The following AGBL1 variants were observed in gnomAD, a reference collection of about 807,000 sequenced individuals.
The protein encoded by AGBL1 is AGBL carboxypeptidase 1, also known as cytosolic carboxypeptidase 4.
AGBL1 carries 130 observed loss-of-function variants against 118.9 expected under a neutral mutation model. That is an observed-to-expected ratio of 1.09 (90% CI 0.95 to 1.26). AGBL1 has a LOEUF of 1.26. Ranked by LOEUF, AGBL1 falls within the 50% of genes most tolerant of loss-of-function variation. AGBL1 has a pLI of 0.00. For missense variants in AGBL1, 1,584 were observed against 1,298.1 expected, an observed-to-expected ratio of 1.22 and a Z score of -3.38; for synonymous variants, 555 against 478.9, an observed-to-expected ratio of 1.16 and a Z score of -2.08.
chr15:86,965,633 GA>G (rs2081043203), intron 23 of AGBL1, among the ~76,000 whole-genome samples: 1 of 152,048 alleles, frequency 6.6e-6, no homozygotes, highest in South Asian at 2.1e-4. Flanking sequence ...ACTGGATAAA[GA>G]AAATGTGGCA....
intron 15 of AGBL1, among the ~76,000 whole-genome samples, chr15:86,278,475 T>TA (rs5814233): frequency 0.54 from 77,035 of 143,114 alleles, 20,642 homozygotes; most frequent in African/African-American, 0.71. Context: ...CCATGAGAAA[T>TA]AAAAAAACAG....
At chr15:86,207,796 C>T (rs1172337976) in intron 5 of AGBL1, among the ~76,000 whole-genome samples, 1 of 152,116 alleles carries the variant, frequency 6.6e-6, no homozygotes, top group Non-Finnish European at 1.5e-5. Flanking sequence ...TAATTGAATA[C>T]CCTTTATTTC....
At chr15:87,025,404 C>CA (rs1385088466) in intron 24 of AGBL1, among the ~76,000 whole-genome samples, 3 of 149,852 alleles carry the variant, frequency 2.0e-5, no homozygotes, top group African/African-American at 4.9e-5. Context: ...AAAACAAAAA[C>CA]AAAAAACATG....
intron 18 of AGBL1, among the ~76,000 whole-genome samples, chr15:86,516,237 A>C (rs2083119241): frequency 6.6e-6 from 1 of 152,182 alleles, no homozygotes; most frequent in Non-Finnish European, 1.5e-5. Flanking sequence ...GTCCACAAGG[A>C]ATCTCCTTGT....
intron 17 of AGBL1, among the ~76,000 whole-genome samples, chr15:86,364,929 G>T (rs944652085): frequency 7.3e-6 from 1 of 137,898 alleles, no homozygotes; most frequent in Admixed American, 7.6e-5. Flanking sequence ...TAGACAGCCT[G>T]CAGGAGCCGC....
chr15:86,194,362 C>CTAGA (rs1377369615), intron 5 of AGBL1, among the ~76,000 whole-genome samples: 4 of 152,206 alleles, frequency 2.6e-5, no homozygotes, highest in African/African-American at 9.6e-5. Flanking sequence ...ATGCCTGCTA[C>CTAGA]TAGAGTACAG....
chr15:86,619,624 C>G (rs1287702222), intron 21 of AGBL1, among the ~76,000 whole-genome samples: 3 of 152,202 alleles, frequency 2.0e-5, no homozygotes, highest in Non-Finnish European at 4.4e-5. Flanking sequence ...TGGGGGTGAA[C>G]AGAAGCAAAA....
intron 18 of AGBL1, among the ~76,000 whole-genome samples, chr15:86,441,335 C>T (rs1364600009): frequency 6.6e-6 from 1 of 152,066 alleles, no homozygotes; most frequent in African/African-American, 2.4e-5. Flanking sequence ...CCTTTGGAAC[C>T]AAAATCTTCA....
rs532688662 is a variant in AGBL1, at chr15:86,411,281, G to T, written c.2555+13735G>T. Reference sequence around the variant, plus strand: ...CCCAGCCGGGGGACTGCCTCCCTGGGGTGGGTACCCAAGCCTCAAGATCAC... The same window carrying T: ...CCCAGCCGGGGGACTGCCTCCCTGGTGTGGGTACCCAAGCCTCAAGATCAC... On this transcript the variant is annotated intron_variant, in intron 18 of 22. Transcript: ENST00000614907. Among the ~76,000 whole-genome samples the T allele has an allele frequency of 2.0e-5, 3 of 152,008 alleles. No homozygotes were observed. The East Asian group carries it at 5.8e-4, about 30-fold the overall frequency.
intron 23 of AGBL1, among the ~76,000 whole-genome samples, chr15:86,928,816 G>A (rs1219811879): frequency 6.6e-6 from 1 of 152,082 alleles, no homozygotes; most frequent in Non-Finnish European, 1.5e-5. Flanking sequence ...TTTTACATGT[G>A]AGGTTGCTGA....
At chr15:86,226,512 G>T (rs2047351) in intron 6 of AGBL1, among the ~76,000 whole-genome samples, 1 of 152,014 alleles carries the variant, frequency 6.6e-6, no homozygotes, top group South Asian at 2.1e-4. Context: ...TTGAGCTTAC[G>T]GTTGAGCATC....
intron 17 of AGBL1, among the ~76,000 whole-genome samples, chr15:86,384,927 TTCTCAGTG>T (rs1322766282): frequency 6.6e-6 from 1 of 152,206 alleles, no homozygotes; most frequent in Non-Finnish European, 1.5e-5. Flanking sequence ...GTTATTCATT[TTCTCAGTG>T]TCTCAGCTCT....
At chr15:86,809,051 A>G (rs182887504) in intron 22 of AGBL1, among the ~76,000 whole-genome samples, 14 of 152,192 alleles carry the variant, frequency 9.2e-5, no homozygotes, top group Admixed American at 5.2e-4. Flanking sequence ...GAATATCTAA[A>G]AAAAGGAGAG....
At chr15:86,165,482 G>A (rs1275982134) in intron 5 of AGBL1, among the ~76,000 whole-genome samples, 1 of 152,166 alleles carries the variant, frequency 6.6e-6, no homozygotes, top group Non-Finnish European at 1.5e-5. Context: ...AGATGAGTGA[G>A]ACTCAGCCAG....
chr15:86,968,819 G>C (rs1049247693), intron 23 of AGBL1, among the ~76,000 whole-genome samples: 1 of 151,822 alleles, frequency 6.6e-6, no homozygotes, highest in African/African-American at 2.4e-5. Flanking sequence ...CAGGAGATTC[G>C]GTGTCTGGTA....
At chr15:86,481,383 C>A (rs1337376372) in intron 18 of AGBL1, among the ~76,000 whole-genome samples, 5 of 152,026 alleles carry the variant, frequency 3.3e-5, no homozygotes, top group African/African-American at 1.2e-4. Context: ...CAGTTGCTTC[C>A]AGATCCCATG....
At chr15:87,026,074 A>T (rs570260736) in intron 24 of AGBL1, among the ~76,000 whole-genome samples, 2 of 152,188 alleles carry the variant, frequency 1.3e-5, no homozygotes, top group East Asian at 3.9e-4. Flanking sequence ...CATAGGAAAA[A>T]CCCTTATAGA....
chr15:86,227,507 C>G (rs531924223), intron 6 of AGBL1, among the ~76,000 whole-genome samples: 1 of 152,212 alleles, frequency 6.6e-6, no homozygotes, highest in Non-Finnish European at 1.5e-5. Flanking sequence ...TGGCCTCTAC[C>G]CACCAGACGC....
chr15:86,801,129 A>G (rs1421431273), intron 22 of AGBL1, among the ~76,000 whole-genome samples: 1 of 152,036 alleles, frequency 6.6e-6, no homozygotes, highest in African/African-American at 2.4e-5. Flanking sequence ...CCTTACATTC[A>G]CCATCTTACA....
Sources: gnomAD v4.1 joint callset for allele counts (sites outside exome capture counted in the v4.1 genomes callset) on GRCh38, gnomAD v4.1.1 for gene constraint, MANE v1.5 for transcripts, NCBI Gene and HGNC (gene_info 2026-07-23, HGNC 2026-07-21) for gene names.